Variants in RAD23A observed in about 807,000 individuals in gnomAD.
The protein encoded by RAD23A is lysine-specific demethylase RAD23A.
RAD23A carries 16 observed loss-of-function variants against 44.8 expected under a neutral mutation model. The ratio of observed to expected loss-of-function variants is 0.36; its 90% CI spans 0.24 to 0.54. The LOEUF is 0.54. RAD23A is among the 20% of genes least tolerant of loss of function. RAD23A has a pLI of 0.89. For synonymous variants in RAD23A, 217 were observed against 202.9 expected, an observed-to-expected ratio of 1.07 and a Z score of -0.59; for missense variants, 380 against 483.3, an observed-to-expected ratio of 0.79 and a Z score of 2.00.
At chr19:12,950,605 G>A (rs1971784551) in intron 7 of RAD23A, among the ~76,000 whole-genome samples, 1 of 152,090 alleles carries the variant, frequency 6.6e-6, no homozygotes. Context: ...ATTTCACCCT[G>A]TTAGCCAGGA....
Position 12,948,356 on chromosome 19 carries a change from A to G in RAD23A, c.414A>G (p.Ser138=). The change falls in exon 3 of 9, where the codon TCA becomes TCG. Residue 138 remains serine (S), a splice_region_variant and synonymous_variant. Transcript: ENST00000586534. This position sits in a 1 kb window ranked among gnomAD's most constrained non-coding sequence, Gnocchi z 5.5. ...CCACGACGTCCCCAGAGTCTGTGTC[A>G]GGGTAAGGCGGGGGCAGCAGTCCCA... ...SAPTTSPESV[S]GSVPSSGSSG... 1.3e-6 allele frequency: 2 copies of G among 1,579,180 alleles called. No homozygotes were observed. The highest frequency in any genetic ancestry group is 1.7e-6 in the Non-Finnish European group (2 of 1,161,206).
chr19:12,948,796 G>A lies in RAD23A; in HGVS notation c.583G>A (p.Val195Met), dbSNP rs748513382. Residue 195 changes from valine (V) to methionine (M), a missense_variant, in exon 5 of 9, where the codon GTG becomes ATG. This residue lies in a region of RAD23A where 279 missense variants were observed against 313.7 expected (regional missense o/e 0.89). Coordinates refer to ENST00000586534, the MANE Select transcript of RAD23A (RefSeq NM_005053.4). The surrounding 1 kb of genome is among the most constrained non-coding windows in gnomAD (Gnocchi z 5.5). ...RASYNNPHRA[V>M]EYLLTGIPGS... ...CAGCTACAACAACCCCCACCGAGCC[G>A]TGGAGTATCTGCTCACGGTGAGGTG... 6 of 1,610,000 alleles carry A rather than the reference G, an allele frequency of 3.7e-6. No individual in the cohort carries two copies. The highest frequency in any genetic ancestry group is 2.2e-5 in the East Asian group (1 of 44,862).
chr19:12,946,068 GTGGGGTGGGGGC>G, intron 1 of RAD23A, 48 bp downstream of exon 1: 1 of 1,330,280 alleles, frequency 7.5e-7, no homozygotes, highest in Admixed American at 2.2e-5. Flanking sequence ...GGTTTCGGGG[GTGGGGTGGGGGC>G]GGGGAGGCTA....
rs766389061 is a variant in RAD23A, at chr19:12,948,653, C to G, written c.473-33C>G. ...GCCTGGGAGCTGCCCTTTCCTCTTC[C>G]TGGTGACCTAGGCTTTGCTGCTTCC... On this transcript the variant is annotated intron_variant, in intron 4 of 8. Coordinates refer to ENST00000586534, the MANE Select transcript of RAD23A (RefSeq NM_005053.4). This position sits in a 1 kb window ranked among gnomAD's most constrained non-coding sequence, Gnocchi z 5.5. The G allele has an allele frequency of 6.3e-7, 1 of 1,599,650 alleles. No homozygotes were observed. Among genetic ancestry groups the G allele is most frequent in the Non-Finnish European group, 8.5e-7 (1 of 1,173,800 alleles).
chr19:12,950,465 C>T (rs1422750624), intron 7 of RAD23A, among the ~76,000 whole-genome samples: 2 of 151,890 alleles, frequency 1.3e-5, no homozygotes, highest in African/African-American at 2.4e-5. Context: ...AGTGCAATGG[C>T]GCAATCCCGG....
At chr19:12,952,892 G>A in intron 8 of RAD23A, 39 bp downstream of exon 8, 2 of 1,606,782 alleles carry the variant, frequency 1.2e-6, no homozygotes, top group Non-Finnish European at 1.7e-6. Context: ...AGGTGGGCAG[G>A]ACCCCTACCC....
rs1206634903 is a variant in RAD23A, at chr19:12,948,067, G to T, written c.234+58G>T. On this transcript the variant is annotated intron_variant, in intron 2 of 8. Coordinates refer to ENST00000586534, the MANE Select transcript of RAD23A (RefSeq NM_005053.4). This position sits in a 1 kb window ranked among gnomAD's most constrained non-coding sequence, Gnocchi z 5.5. ...GGACGAGCTGGGGAGCTGGCAAAGA[G>T]CCTGTGTGCCCAGGAGAGATTAGCT... The T allele has an allele frequency of 6.2e-7, 1 of 1,608,092 alleles. No individual in the cohort carries two copies. The highest frequency in any genetic ancestry group is 2.2e-5 in the East Asian group (1 of 44,846).
chr19:12,946,084 G>GGGGGGGGGGGGGCCC, intron 1 of RAD23A, 64 bp downstream of exon 1: 2 of 512,142 alleles, frequency 3.9e-6, no homozygotes, highest in Non-Finnish European at 3.7e-6. Flanking sequence ...TGGGGGCGGG[G>GGGGGGGGGGGGGCCC]AGGCTAGAAT....
intron 7 of RAD23A, among the ~76,000 whole-genome samples, chr19:12,950,648 G>A (rs1342167884): frequency 1.3e-5 from 2 of 152,084 alleles, no homozygotes; most frequent in South Asian, 2.1e-4. Flanking sequence ...TGATCTGCCC[G>A]CCTTGGCCTC....
Position 12,945,965 on chromosome 19 carries a change from C to T in RAD23A, c.17C>T (p.Thr6Met). MAVTI[T>M]LKTLQQQTFK... ...GGCCCCGCCATGGCCGTCACCATCA[C>T]GCTCAAAACGCTGCAGCAGCAGACC... The change falls in exon 1 of 9, where the codon ACG becomes ATG. Residue 6 changes from threonine (T) to methionine (M), a missense_variant. Transcript: ENST00000586534. 1.2e-6 allele frequency: 2 copies of T among 1,608,340 alleles called. No individual in the cohort carries two copies. The highest frequency in any genetic ancestry group is 1.1e-5 in the South Asian group (1 of 90,878).
At position 12,951,261 on chromosome 19, in the gene RAD23A, G is replaced by A. The variant is rs557707852; in HGVS notation, c.814-1428G>A. 2.3e-3 allele frequency among the ~76,000 whole-genome samples: 345 copies of A among 151,968 alleles called. 4 individuals carry two copies. The highest frequency in any genetic ancestry group is 7.8e-3 in the African/African-American group (323 of 41,460). On this transcript the variant is annotated intron_variant, in intron 7 of 8. Coordinates refer to ENST00000586534, the MANE Select transcript of RAD23A (RefSeq NM_005053.4). ...CAAATTGTTGAGGTTACAGGCGTGA[G>A]CCACCACACCCGGCCAAGTTCACCT... is the stretch of plus-strand genomic sequence containing the variant.
In RAD23A at chr19:12,945,917, T is replaced by C. The variant is rs1335870665; in HGVS notation, c.-32T>C. On this transcript the variant is annotated 5_prime_UTR_variant, in exon 1 of 9. Coordinates refer to ENST00000586534, the MANE Select transcript of RAD23A (RefSeq NM_005053.4). ...GCGTGAGTTGCATGTTGTGTGAGGA[T>C]CCCGGGGCCGCCGCGTCGCTCGGGC... 1 of 1,604,942 alleles carries C rather than the reference T, an allele frequency of 6.2e-7. No homozygotes were observed. The highest frequency in any genetic ancestry group is 8.5e-7 in the Non-Finnish European group (1 of 1,176,764).
Position 12,953,111 on chromosome 19 carries a change from A to G in RAD23A, c.*62A>G. ...CCTTATTCCATGAAAGTTTTATAAA[A>G]GAAAAAATATATATATATTCATGTT... On this transcript the variant is annotated 3_prime_UTR_variant, in exon 9 of 9. Coordinates refer to ENST00000586534, the MANE Select transcript of RAD23A (RefSeq NM_005053.4). The G allele has an allele frequency of 8.9e-7, 1 of 1,121,954 alleles. No homozygotes were observed. Among genetic ancestry groups the G allele is most frequent in the South Asian group, 1.4e-5 (1 of 71,152 alleles). The allele number at this position is 1,121,954 out of a possible 1,614,324, so 69.5% of individuals were successfully genotyped here.
At chr19:12,949,986 C>T (rs192928348) in intron 7 of RAD23A, among the ~76,000 whole-genome samples, 1 of 152,094 alleles carries the variant, frequency 6.6e-6, no homozygotes, top group Admixed American at 6.5e-5. Flanking sequence ...CTTCTCAGTC[C>T]CTTGCCAGCT....
intron 7 of RAD23A, among the ~76,000 whole-genome samples, chr19:12,950,402 CTTTCT>C (rs996206739): frequency 6.6e-5 from 10 of 151,838 alleles, no homozygotes; most frequent in East Asian, 1.9e-4. Flanking sequence ...CTAAAAAGCA[CTTTCT>C]TTTCTTTTTT....
Position 12,949,422 on chromosome 19 carries a change from G to A in RAD23A, c.813+14G>A. On this transcript the variant is annotated intron_variant, in intron 7 of 8. Transcript: ENST00000586534. ...CAGCTTTTACAGGTGTGGTCCCAAG[G>A]GCAGAGGGAGCTAGGGCAGCCACCA... 1 of 1,609,492 alleles carries A rather than the reference G, an allele frequency of 6.2e-7. No homozygotes were observed. Among genetic ancestry groups the A allele is most frequent in the South Asian group, 1.1e-5 (1 of 90,960 alleles).
chr19:12,950,287 C>T (rs1397079933), intron 7 of RAD23A, among the ~76,000 whole-genome samples: 4 of 152,226 alleles, frequency 2.6e-5, no homozygotes, highest in Admixed American at 6.5e-5. Context: ...CCTGTCTGCT[C>T]TTCCCACTCA....
At chr19:12,949,248 TCTGA>T in intron 6 of RAD23A, 23 bp from the exon 7 acceptor site, 1 of 1,613,794 alleles carries the variant, frequency 6.2e-7, no homozygotes, top group Non-Finnish European at 8.5e-7. Context: ...CGGCGTGGTG[TCTGA>T]CTGCACCCCT....
At chr19:12,946,059 GTTTCGGGGGTGGGGT>G in intron 1 of RAD23A, 39 bp downstream of exon 1, 2 of 213,196 alleles carry the variant, frequency 9.4e-6, no homozygotes, top group Non-Finnish European at 1.7e-5. Context: ...GGAGCGACGG[GTTTCGGGGGTGGGGT>G]GGGGGCGGGG....
Sources: allele counts gnomAD v4.1 joint callset (sites outside exome capture counted in the v4.1 genomes callset), GRCh38; gene constraint gnomAD v4.1.1; regional missense constraint gnomAD v4.1.1; non-coding constraint Gnocchi (gnomAD v3.1); transcripts MANE v1.5; gene names NCBI Gene and HGNC (gene_info 2026-07-23, HGNC 2026-07-21).